GPR107: variants seen among roughly 807,000 people sequenced by gnomAD.
The protein encoded by GPR107 is protein GPR107.
A neutral mutation model predicts 75.5 loss-of-function variants in GPR107; 31 were observed. The observed-to-expected ratio is 0.41, with a 90% CI of 0.31 to 0.55. The LOEUF is 0.55. Ranked by LOEUF, GPR107 falls within the 20% of genes least tolerant of loss-of-function variation. The pLI, the probability that GPR107 is intolerant of heterozygous loss-of-function variation, is 0.26. For missense variants in GPR107, 572 were observed against 665.7 expected, an observed-to-expected ratio of 0.86 and a Z score of 1.55; for synonymous variants, 267 against 251.3, an observed-to-expected ratio of 1.06 and a Z score of -0.59.
At chr9:130,093,373 AGTAAATGATAGTAT>A (rs1322895116) in intron 9 of GPR107, among the ~76,000 whole-genome samples, 2 of 152,242 alleles carry the variant, frequency 1.3e-5, no homozygotes, top group Non-Finnish European at 2.9e-5. Context: ...TCATAAACTG[AGTAAATGATAGTAT>A]GCGAATATGC....
Position 130,086,461 on chromosome 9 carries a change from G to A in GPR107, c.606G>A (p.Gly202=). The part of the protein sequence containing the change: ...EKSFSVHNNG[G]AVSFQFFFNI... ...CCTTTTCTGTTCATAATAATGGTGG[G>A]GCAGTGTCATTTCAGGTATGTATGC... The change falls in exon 7 of 18, where the codon GGG becomes GGA. Residue 202 remains glycine, a synonymous_variant. Coordinates refer to ENST00000347136, the MANE Select transcript of GPR107 (RefSeq NM_020960.5). The A allele has an allele frequency of 1.3e-6, 2 of 1,549,848 alleles. No homozygotes were observed. The highest frequency in any genetic ancestry group is 1.4e-5 in the African/African-American group (1 of 73,674).
intron 16 of GPR107, among the ~76,000 whole-genome samples, chr9:130,128,036 A>G (rs577620440): frequency 2.6e-5 from 4 of 152,300 alleles, no homozygotes. Flanking sequence ...AATTGAGATG[A>G]TCTGTTTGTC....
chr9:130,126,369 G>T (rs1353823847), intron 15 of GPR107, among the ~76,000 whole-genome samples: 73 of 146,286 alleles, frequency 5.0e-4, no homozygotes, highest in African/African-American at 1.9e-3. Context: ...TTTTGAGACG[G>T]AGTTTCGCTC....
rs914199531 is a variant in GPR107 at position 130,060,412 on chromosome 9, T to G, written c.141+6339T>G. On this transcript the variant is annotated intron_variant, in intron 1 of 17. Coordinates refer to ENST00000347136, the MANE Select transcript of GPR107 (RefSeq NM_020960.5). ...AAAATGATAATCCGAGTTTTTTTTT[T>G]TTTTTTTTTTTTTTGAGATAAGGTC... Among the ~76,000 whole-genome samples, 17 of 139,992 alleles carry G rather than the reference T, an allele frequency of 1.2e-4. No homozygotes were observed. In the South Asian group the frequency reaches 2.6e-3, roughly 21 times the overall value. The allele number at this position is 139,992 out of a possible 152,430, so 91.8% of individuals were successfully genotyped here.
Position 130,099,480 on chromosome 9 carries a change from G to T in GPR107, c.887G>T (p.Trp296Leu), listed in dbSNP as rs775671233. Residue 296 changes from tryptophan to leucine, a missense_variant, in exon 10 of 18, where the codon TGG becomes TTG. Coordinates refer to ENST00000347136, the MANE Select transcript of GPR107 (RefSeq NM_020960.5). ...AGGAATGATGTATTTAAAATCCACT[G>T]GCTGATGGCGGCCCTTCCTTTCACC... ...KRRNDVFKIH[W>L]LMAALPFTKS... The T allele has an allele frequency of 1.9e-5, 31 of 1,600,186 alleles. No individual in the cohort carries two copies. The highest frequency in any genetic ancestry group is 2.6e-5 in the Non-Finnish European group (30 of 1,167,540).
chr9:130,075,280 C>T (rs1370436117), intron 1 of GPR107, among the ~76,000 whole-genome samples: 7 of 128,168 alleles, frequency 5.5e-5, no homozygotes, highest in Admixed American at 4.8e-4. Context: ...AGTCTTGCTC[C>T]GTCACCCAAG....
In GPR107 at chr9:130,103,520, A is replaced by G. The variant is rs943879241; in HGVS notation, c.1132-900A>G. Among the ~76,000 whole-genome samples the G allele has an allele frequency of 2.0e-5, 3 of 147,168 alleles. No individual in the cohort carries two copies. Among genetic ancestry groups the G allele is most frequent in the Non-Finnish European group, 4.6e-5 (3 of 65,770 alleles). On this transcript the variant is annotated intron_variant, in intron 12 of 17. Coordinates refer to ENST00000347136, the MANE Select transcript of GPR107 (RefSeq NM_020960.5). This position sits in a 1 kb window ranked among gnomAD's most constrained non-coding sequence, Gnocchi z 4.3. The stretch of plus-strand genomic sequence containing the variant: ...AGTTTAGCCAGTGGAAAGACTTTTT[A>G]TAAAGACTTATGCTAAGAGCCTAAT...
At chr9:130,085,701 A>G (rs932038302) in intron 6 of GPR107, among the ~76,000 whole-genome samples, 13 of 139,062 alleles carry the variant, frequency 9.3e-5, no homozygotes, top group African/African-American at 3.2e-4. Context: ...ACATTGTTGC[A>G]TGTATCATTT....
chr9:130,094,772 C>G (rs1830824551), intron 9 of GPR107, among the ~76,000 whole-genome samples: 1 of 151,962 alleles, frequency 6.6e-6, no homozygotes, highest in African/African-American at 2.4e-5. Flanking sequence ...CCTCTGTCCC[C>G]CAGGTTCAAG....
chr9:130,079,295 A>G (rs888529790), intron 4 of GPR107, among the ~76,000 whole-genome samples: 8 of 152,128 alleles, frequency 5.3e-5, no homozygotes, highest in Non-Finnish European at 2.9e-5. Context: ...CTGATGTTTT[A>G]CATTTTGTCC....
chr9:130,121,661 T>A (rs1463043932), intron 14 of GPR107, among the ~76,000 whole-genome samples: 1 of 152,218 alleles, frequency 6.6e-6, no homozygotes, highest in Non-Finnish European at 1.5e-5. Flanking sequence ...CTTCTCCCAC[T>A]GTGGCTCACT....
chr9:130,110,518 G>A (rs1831270041), intron 14 of GPR107: 1 of 737,078 alleles, frequency 1.4e-6, no homozygotes, highest in Non-Finnish European at 2.5e-6. Flanking sequence ...TACTCTGAAA[G>A]AGGGACAGAG....
At chr9:130,132,785 C>G (rs1420867927) in intron 17 of GPR107, among the ~76,000 whole-genome samples, 3 of 145,756 alleles carry the variant, frequency 2.1e-5, no homozygotes, top group Non-Finnish European at 3.0e-5. Flanking sequence ...GACTTCATCT[C>G]AAAAAATCAA....
chr9:130,116,257 C>T (rs2132634830), intron 14 of GPR107, among the ~76,000 whole-genome samples: 1 of 152,206 alleles, frequency 6.6e-6, no homozygotes, highest in East Asian at 1.9e-4. Context: ...GTGGCAGACC[C>T]TCCCTGGACC....
At chr9:130,118,392 A>G (rs552168518) in intron 14 of GPR107, among the ~76,000 whole-genome samples, 1 of 152,202 alleles carries the variant, frequency 6.6e-6, no homozygotes, top group African/African-American at 2.4e-5. Flanking sequence ...GGGACCACCT[A>G]GGGCAGGGGC....
chr9:130,125,707 C>T (rs1831660577), intron 15 of GPR107, among the ~76,000 whole-genome samples: 1 of 148,202 alleles, frequency 6.7e-6, no homozygotes, highest in Non-Finnish European at 1.5e-5. Context: ...AATGGGATCA[C>T]ACTGTCATGT....
At chr9:130,113,304 C>T (rs995996126) in intron 14 of GPR107, among the ~76,000 whole-genome samples, 8 of 149,412 alleles carry the variant, frequency 5.4e-5, no homozygotes, top group Non-Finnish European at 1.0e-4. Flanking sequence ...ACAATCTCAG[C>T]TCACTGCAGC....
In GPR107 at chr9:130,083,607, GAACT is replaced by G; in HGVS notation, c.564+9_564+12del. The G allele has an allele frequency of 6.6e-7, 1 of 1,513,142 alleles. No individual in the cohort carries two copies. The highest frequency in any genetic ancestry group is 8.8e-7 in the Non-Finnish European group (1 of 1,136,254). The allele number at this position is 1,513,142 out of a possible 1,614,324, so 93.7% of individuals were successfully genotyped here. On this transcript the variant is annotated splice_donor_region_variant and intron_variant, in intron 6 of 17. Coordinates refer to ENST00000347136, the MANE Select transcript of GPR107 (RefSeq NM_020960.5). ...AGAAGTACAGTGGATTCAAAGGTAA[GAACT>G]AACCACCCTTTTGTGCTCAGCTTTT...
intron 1 of GPR107, among the ~76,000 whole-genome samples, chr9:130,056,487 A>G (rs1829792296): frequency 6.6e-6 from 1 of 151,942 alleles, no homozygotes; most frequent in Non-Finnish European, 1.5e-5. Flanking sequence ...AAACATCCGA[A>G]GTCAGGGGTG....
Sources: allele counts gnomAD v4.1 joint callset (sites outside exome capture counted in the v4.1 genomes callset), GRCh38; gene constraint gnomAD v4.1.1; non-coding constraint Gnocchi (gnomAD v3.1); transcripts MANE v1.5; gene names NCBI Gene and HGNC (gene_info 2026-07-23, HGNC 2026-07-21).